The following EFNA5 variants were observed in gnomAD, a reference collection of about 807,000 sequenced individuals.
EFNA5 encodes ephrin A5, also known as ephrin-A5.
In EFNA5, 5 loss-of-function variants were observed where a neutral mutation model predicts 22.9. That is an observed-to-expected ratio of 0.22 (90% CI 0.11 to 0.46). The LOEUF (loss-of-function observed/expected upper bound fraction) is 0.46. EFNA5 is among the 20% of genes least tolerant of loss of function. The probability of loss-of-function intolerance (pLI) is 0.99; values close to 1 mark genes in which losing one functional copy is unlikely to be tolerated. For synonymous variants in EFNA5, 113 were observed against 112.2 expected (o/e 1.01, Z -0.04); for missense variants, 237 against 293.3 (o/e 0.81, Z 1.40).
chr5:107,512,865 A>G (rs1367690055), intron 1 of EFNA5, among the ~76,000 whole-genome samples: 2 of 152,216 alleles, frequency 1.3e-5, no homozygotes, highest in Non-Finnish European at 2.9e-5. Context: ...CTCTTTGAAG[A>G]CATAAAATTG....
chr5:107,540,169 A>T (rs2112459448), intron 1 of EFNA5, among the ~76,000 whole-genome samples: 1 of 152,308 alleles, frequency 6.6e-6, no homozygotes, highest in African/African-American at 2.4e-5. Flanking sequence ...AGAGTCAAAA[A>T]GCAAACAAGG....
At chr5:107,504,515 A>G (rs1250114794) in intron 1 of EFNA5, among the ~76,000 whole-genome samples, 2 of 152,196 alleles carry the variant, frequency 1.3e-5, no homozygotes, top group East Asian at 3.8e-4. Context: ...TTATTAATGT[A>G]CAAATAATAT....
At chr5:107,384,968 C>A (rs1747572764) in intron 4 of EFNA5, among the ~76,000 whole-genome samples, 1 of 151,642 alleles carries the variant, frequency 6.6e-6, no homozygotes, top group South Asian at 2.1e-4. Context: ...TGTGGTTCAA[C>A]CTTGTCTCAC....
At chr5:107,432,782 T>C (rs1055402786) in intron 1 of EFNA5, among the ~76,000 whole-genome samples, 4 of 152,138 alleles carry the variant, frequency 2.6e-5, no homozygotes, top group Admixed American at 2.6e-4. Flanking sequence ...CATAAATAGT[T>C]GACCCTTGAG....
rs148959691 is a variant in EFNA5, at chr5:107,553,010, AT to A, written c.125+117478del. On this transcript the variant is annotated intron_variant, in intron 1 of 4. Coordinates refer to ENST00000333274, the MANE Select transcript of EFNA5 (RefSeq NM_001962.3). ...AAAGGATAAATAAATGCAAGTTGCTATTTTTTTTATTATAGCCCTCCTCTAA... is the reference window on the plus strand; with the variant it reads ...AAAGGATAAATAAATGCAAGTTGCTATTTTTTTATTATAGCCCTCCTCTAA... 8.4e-3 allele frequency among the ~76,000 whole-genome samples: 1,285 copies of A among 152,078 alleles called. 14 individuals are homozygous for A. The highest frequency in any genetic ancestry group is 0.028 in the African/African-American group (1,175 of 41,468).
chr5:107,528,327 C>G (rs1747740486), intron 1 of EFNA5, among the ~76,000 whole-genome samples: 1 of 152,120 alleles, frequency 6.6e-6, no homozygotes, highest in Non-Finnish European at 1.5e-5. Context: ...ATAATAATGT[C>G]TTTTACAAAG....
intron 1 of EFNA5, among the ~76,000 whole-genome samples, chr5:107,612,980 G>T (rs1443720327): frequency 6.6e-6 from 1 of 151,884 alleles, no homozygotes; most frequent in African/African-American, 2.4e-5. Flanking sequence ...CATTGCTTTG[G>T]CAAAAGCCAA....
chr5:107,636,041 C>T (rs929283447), intron 1 of EFNA5, among the ~76,000 whole-genome samples: 1 of 152,132 alleles, frequency 6.6e-6, no homozygotes, highest in African/African-American at 2.4e-5. Context: ...ACTTAAGCTA[C>T]CACATTAGAT....
intron 1 of EFNA5, among the ~76,000 whole-genome samples, chr5:107,615,395 G>C (rs913057763): frequency 6.6e-6 from 1 of 152,102 alleles, no homozygotes; most frequent in Admixed American, 6.5e-5. Context: ...ACATTCAGGG[G>C]GAGGGGGGAG....
At chr5:107,490,840 C>T (rs1258242646) in intron 1 of EFNA5, among the ~76,000 whole-genome samples, 2 of 152,190 alleles carry the variant, frequency 1.3e-5, no homozygotes, top group Admixed American at 6.5e-5. Context: ...GTTACACATA[C>T]TCTAACAGGA....
intron 1 of EFNA5, among the ~76,000 whole-genome samples, chr5:107,517,054 C>G: frequency 6.6e-6 from 1 of 151,658 alleles, no homozygotes; most frequent in East Asian, 1.9e-4. Flanking sequence ...AAAATTATAT[C>G]GTGATGACTG....
At chr5:107,482,868 C>CTATATATATA (rs1491566387) in intron 1 of EFNA5, among the ~76,000 whole-genome samples, 22 of 42,912 alleles carry the variant, frequency 5.1e-4, no homozygotes, top group African/African-American at 1.8e-3. Flanking sequence ...CTCTCTCTCT[C>CTATATATATA]TCTATATATA....
At chr5:107,630,968 T>C (rs993075772) in intron 1 of EFNA5, among the ~76,000 whole-genome samples, 8 of 152,146 alleles carry the variant, frequency 5.3e-5, no homozygotes, top group African/African-American at 1.4e-4. Flanking sequence ...CCACATCTTG[T>C]CCTGCTGAAA....
chr5:107,580,735 A>C (rs1580541071), intron 1 of EFNA5, among the ~76,000 whole-genome samples: 2 of 149,372 alleles, frequency 1.3e-5, no homozygotes, highest in African/African-American at 2.5e-5. Flanking sequence ...AAAAAAAAAA[A>C]AAAAAGAAAA....
rs147219385 is a variant in EFNA5, at chr5:107,504,513, G to A, written c.126-77004C>T. 9.9e-5 allele frequency among the ~76,000 whole-genome samples: 15 copies of A among 152,174 alleles called. No individual in the cohort carries two copies. The East Asian group carries it at 2.7e-3, about 27-fold the overall frequency. ...TAGAAATAGAAAATGCATTATTAAT[G>A]TACAAATAATATGCATGCTTATAGG... On this transcript the variant is annotated intron_variant, in intron 1 of 4. Coordinates refer to ENST00000333274, the MANE Select transcript of EFNA5 (RefSeq NM_001962.3).
chr5:107,427,581 C>T lies in EFNA5; in HGVS notation c.126-72G>A, dbSNP rs1748840961. 3.0e-5 allele frequency: 42 copies of T among 1,391,620 alleles called. 2 individuals are homozygous for T. In the South Asian group the frequency reaches 6.0e-4, roughly 20 times the overall value. 86.2% of individuals were successfully genotyped at this position (1,391,620 alleles called of 1,614,324 possible). On this transcript the variant is annotated intron_variant, in intron 1 of 4. Coordinates refer to ENST00000333274, the MANE Select transcript of EFNA5 (RefSeq NM_001962.3). Reference sequence around the variant, plus strand: ...TTTCTGCTTGGAATCAGTGGTTAAGCCATTCAATAATTTTGGAGCTAAAGC... The same window carrying T: ...TTTCTGCTTGGAATCAGTGGTTAAGTCATTCAATAATTTTGGAGCTAAAGC...
chr5:107,519,905 G>A (rs1010211351), intron 1 of EFNA5, among the ~76,000 whole-genome samples: 7 of 152,196 alleles, frequency 4.6e-5, no homozygotes, highest in Non-Finnish European at 1.0e-4. Flanking sequence ...GGCTGGGCCA[G>A]GTGGGATGAA....
intron 1 of EFNA5, among the ~76,000 whole-genome samples, chr5:107,529,642 T>C (rs529706): frequency 0.061 from 9,214 of 152,288 alleles, 939 homozygotes; most frequent in African/African-American, 0.21. Context: ...TTCCACATGA[T>C]CAAGTGACCA....
At chr5:107,516,119 C>T (rs1421849940) in intron 1 of EFNA5, among the ~76,000 whole-genome samples, 1 of 151,876 alleles carries the variant, frequency 6.6e-6, no homozygotes, top group Non-Finnish European at 1.5e-5. Context: ...ATCCTCCTGC[C>T]TCAGCCTCCT....
Sources: gnomAD v4.1 joint callset for allele counts (sites outside exome capture counted in the v4.1 genomes callset) on GRCh38, gnomAD v4.1.1 for gene constraint, MANE v1.5 for transcripts, NCBI Gene and HGNC (gene_info 2026-07-23, HGNC 2026-07-21) for gene names.